Variants in SUSD1 observed in about 807,000 individuals in gnomAD.
The protein encoded by SUSD1 is sushi domain-containing protein 1.
A neutral mutation model predicts 86.9 loss-of-function variants in SUSD1; 65 were observed. The ratio of observed to expected loss-of-function variants is 0.75; its 90% CI spans 0.61 to 0.92. SUSD1 has a LOEUF of 0.92. Ranked by LOEUF, SUSD1 falls within the 40% of genes least tolerant of loss-of-function variation. The probability of loss-of-function intolerance (pLI) is 0.00; values close to 1 mark genes in which losing one functional copy is unlikely to be tolerated. For synonymous variants in SUSD1, 346 were observed against 350.0 expected, an observed-to-expected ratio of 0.99 and a Z score of 0.13; for missense variants, 850 against 929.7, an observed-to-expected ratio of 0.91 and a Z score of 1.11.
At chr9:112,141,730 T>TATAATATATATTACATGTAATATATTAC (rs1832575620) in intron 5 of SUSD1, among the ~76,000 whole-genome samples, 1 of 134,034 alleles carries the variant, frequency 7.5e-6, no homozygotes, top group Non-Finnish European at 1.5e-5. Context: ...TAATGTATTA[T>TATAATATATATTACATGTAATATATTAC]ATATAATATA....
At position 112,041,474 on chromosome 9, in the gene SUSD1, C is replaced by T. The variant is rs765475640; in HGVS notation, c.*18G>A. 3.8e-6 allele frequency: 3 copies of T among 781,096 alleles called. No individual in the cohort carries two copies. In the South Asian group the frequency reaches 4.0e-5, roughly 10 times the overall value. 48.4% of individuals were successfully genotyped at this position (781,096 alleles called of 1,614,324 possible). ...GCCCAGCAGCAGTGCATCCTCCCCA[C>T]TCAGTGTCCATCTGCCATCTAGACA... On this transcript the variant is annotated 3_prime_UTR_variant, in exon 17 of 17. Transcript: ENST00000374270.
intron 1 of SUSD1, among the ~76,000 whole-genome samples, chr9:112,160,579 A>T (rs1273085622): frequency 6.6e-6 from 1 of 151,932 alleles, no homozygotes. Context: ...AAAGAGATGG[A>T]TGGGCCAGGT....
chr9:112,161,597 C>T (rs1833572752), intron 1 of SUSD1, among the ~76,000 whole-genome samples: 1 of 151,194 alleles, frequency 6.6e-6, no homozygotes, highest in Non-Finnish European at 1.5e-5. Flanking sequence ...TCAAGGTGGG[C>T]AGATCACCTA....
intron 15 of SUSD1, among the ~76,000 whole-genome samples, chr9:112,051,106 T>C (rs1828171460): frequency 6.6e-6 from 1 of 152,250 alleles, no homozygotes; most frequent in South Asian, 2.1e-4. Context: ...CTGACCACTG[T>C]ACATTGCTTT....
chr9:112,083,598 A>T (rs1165314228), intron 10 of SUSD1, among the ~76,000 whole-genome samples: 1 of 152,222 alleles, frequency 6.6e-6, no homozygotes, highest in Non-Finnish European at 1.5e-5. Context: ...ACCAACATAG[A>T]TATTAAATTT....
Position 112,041,320 on chromosome 9 carries a change from G to T in SUSD1, c.*172C>A, listed in dbSNP as rs918644301. The T allele has an allele frequency of 1.5e-5, 10 of 672,474 alleles. No individual in the cohort carries two copies. Among genetic ancestry groups the T allele is most frequent in the African/African-American group, 1.4e-4 (8 of 56,374 alleles). The allele number at this position is 672,474 out of a possible 1,614,324, so 41.7% of individuals were successfully genotyped here. A position where few individuals can be genotyped will look rare whatever the true frequency, so the allele number is the denominator to read the frequency against. On this transcript the variant is annotated 3_prime_UTR_variant, in exon 17 of 17. Transcript: ENST00000374270. ...TTTCTCCTTATGGTGACTCCTCAGG[G>T]ATAGCCACCATCTTAAATCCAGGAA...
intron 6 of SUSD1, among the ~76,000 whole-genome samples, chr9:112,121,628 C>T (rs189246603): frequency 4.5e-4 from 69 of 152,316 alleles, no homozygotes; most frequent in Non-Finnish European, 8.2e-4. Flanking sequence ...GCCTACATGT[C>T]TTGTTTGCTC....
chr9:112,103,200 AG>A (rs750937816), intron 8 of SUSD1: 2 of 451,750 alleles, frequency 4.4e-6, no homozygotes, highest in South Asian at 3.3e-5. Flanking sequence ...ATTTTAGTCA[AG>A]ATCAGAATTG....
chr9:112,053,176 T>C (rs532011359), intron 14 of SUSD1, among the ~76,000 whole-genome samples: 2 of 152,094 alleles, frequency 1.3e-5, no homozygotes, highest in Non-Finnish European at 2.9e-5. Context: ...TTGGGCATTC[T>C]GGTTTGGATT....
At chr9:112,141,955 C>T (rs947754504) in intron 5 of SUSD1, among the ~76,000 whole-genome samples, 4 of 146,882 alleles carry the variant, frequency 2.7e-5, no homozygotes, top group African/African-American at 1.0e-4. Flanking sequence ...CACCTAACAT[C>T]AAAAAACTAA....
At chr9:112,145,841 T>A (rs1832787182) in intron 3 of SUSD1, 1 of 152,152 alleles carries the variant, frequency 6.6e-6, no homozygotes, top group Non-Finnish European at 1.5e-5. Flanking sequence ...GTGGTTTCCA[T>A]GATTCCCAGG....
In SUSD1 at chr9:112,127,817, G is replaced by A. The variant is rs370772248; in HGVS notation, c.707-3381C>T. The stretch of plus-strand genomic sequence containing the variant: ...GGGGAAAACTTCCATTGTTGTTGTC[G>A]CTGTTGTTGTGATCTCACTCTATTG... On this transcript the variant is annotated intron_variant, in intron 5 of 16. Coordinates refer to ENST00000374270, the MANE Select transcript of SUSD1 (RefSeq NM_022486.5). Among the ~76,000 whole-genome samples, 224 of 152,194 alleles carry A rather than the reference G, an allele frequency of 1.5e-3. 2 individuals are homozygous for A. The highest frequency in any genetic ancestry group is 5.2e-3 in the African/African-American group (214 of 41,522).
intron 10 of SUSD1, among the ~76,000 whole-genome samples, chr9:112,088,884 A>G (rs1830089798): frequency 6.6e-6 from 1 of 152,210 alleles, no homozygotes; most frequent in Non-Finnish European, 1.5e-5. Flanking sequence ...AGGTGGGAGG[A>G]TCACTTGAGG....
intron 1 of SUSD1, among the ~76,000 whole-genome samples, chr9:112,168,565 G>A (rs1833915193): frequency 6.6e-6 from 1 of 152,270 alleles, no homozygotes; most frequent in African/African-American, 2.4e-5. Flanking sequence ...TTCAATACAC[G>A]AGCAACAACT....
intron 5 of SUSD1, among the ~76,000 whole-genome samples, chr9:112,125,138 GA>G (rs111264911): frequency 2.3e-3 from 351 of 150,596 alleles, no homozygotes; most frequent in Admixed American, 6.7e-3. Context: ...TCTTTTCTGG[GA>G]AAAAAAAATC....
In SUSD1 at chr9:112,134,426, T is replaced by C. The variant is rs1408961076; in HGVS notation, c.706+7894A>G. Among the ~76,000 whole-genome samples, 3 of 152,226 alleles carry C rather than the reference T, an allele frequency of 2.0e-5. No homozygotes were observed. In the East Asian group the frequency reaches 5.8e-4, roughly 29 times the overall value. ...TCCTTTGCAGCAACATGGATGCAGC[T>C]AGAGGCCACTTCTACTATCCTAAGC... is the stretch of plus-strand genomic sequence containing the variant. On this transcript the variant is annotated intron_variant, in intron 5 of 16. Coordinates refer to ENST00000374270, the MANE Select transcript of SUSD1 (RefSeq NM_022486.5).
At chr9:112,118,518 G>T (rs535211934) in intron 6 of SUSD1, among the ~76,000 whole-genome samples, 53 of 152,178 alleles carry the variant, frequency 3.5e-4, no homozygotes, top group Admixed American at 5.9e-4. Context: ...GGAGTCTTGC[G>T]CTGTAGCCCA....
intron 15 of SUSD1, among the ~76,000 whole-genome samples, chr9:112,051,585 C>T (rs1174122981): frequency 6.6e-6 from 1 of 151,660 alleles, no homozygotes; most frequent in Non-Finnish European, 1.5e-5. Context: ...GCATGTGCCA[C>T]CATGCCTGGC....
At chr9:112,104,900 G>A (rs1415243811) in intron 8 of SUSD1, 2 of 152,016 alleles carry the variant, frequency 1.3e-5, no homozygotes, top group East Asian at 1.9e-4. Context: ...AATTGTGCTC[G>A]GCAGGCAAAG....
Sources: gnomAD v4.1 joint callset for allele counts (sites outside exome capture counted in the v4.1 genomes callset) on GRCh38, gnomAD v4.1.1 for gene constraint, MANE v1.5 for transcripts, NCBI Gene and HGNC (gene_info 2026-07-23, HGNC 2026-07-21) for gene names.